The following SUSD4 variants were observed in gnomAD, a reference collection of about 807,000 sequenced individuals.
SUSD4 encodes sushi domain containing 4.
SUSD4 carries 41 observed loss-of-function variants against 50.5 expected under a neutral mutation model. That is an observed-to-expected ratio of 0.81 (90% CI 0.63 to 1.05). SUSD4 has a LOEUF of 1.05. Among genes scored for constraint, SUSD4 ranks in the 50% least tolerant of loss-of-function variants. The probability of loss-of-function intolerance (pLI) is 0.00; values close to 1 mark genes in which losing one functional copy is unlikely to be tolerated. For synonymous variants in SUSD4, 257 were observed against 257.3 expected, an observed-to-expected ratio of 1.00 and a Z score of 0.01; for missense variants, 580 against 634.7, an observed-to-expected ratio of 0.91 and a Z score of 0.93.
At chr1:223,329,805 G>T (rs1002168155) in intron 2 of SUSD4, among the ~76,000 whole-genome samples, 1 of 152,146 alleles carries the variant, frequency 6.6e-6, no homozygotes, top group Non-Finnish European at 1.5e-5. Context: ...GAGATGAATA[G>T]ATAAATGAAT....
At position 223,220,945 on chromosome 1, in the gene SUSD4, T is replaced by G. The variant is rs568984323; in HGVS notation, c.*1247A>C. On this transcript the variant is annotated 3_prime_UTR_variant, in exon 9 of 9. Transcript: ENST00000366878. Reference sequence around the variant, plus strand: ...TTAAGGATCAGAGCTTTGTTTACATTTGTCTAAAACCAAGAGAAGGAAAGG... The same window carrying G: ...TTAAGGATCAGAGCTTTGTTTACATGTGTCTAAAACCAAGAGAAGGAAAGG... 2.5e-5 allele frequency: 10 copies of G among 400,560 alleles called. No homozygotes were observed. Among genetic ancestry groups the G allele is most frequent in the African/African-American group, 1.4e-4 (7 of 48,842 alleles). 24.8% of individuals were successfully genotyped at this position (400,560 alleles called of 1,614,324 possible). A position where few individuals can be genotyped will look rare whatever the true frequency, so the allele number is the denominator to read the frequency against.
chr1:223,242,413 C>T (rs1261612136), intron 5 of SUSD4, among the ~76,000 whole-genome samples: 1 of 152,156 alleles, frequency 6.6e-6, no homozygotes, highest in Non-Finnish European at 1.5e-5. Flanking sequence ...TTAACAACAC[C>T]TCTGCCTGTC....
intron 5 of SUSD4, among the ~76,000 whole-genome samples, chr1:223,236,518 T>C (rs1660229632): frequency 6.6e-6 from 1 of 152,156 alleles, no homozygotes; most frequent in African/African-American, 2.4e-5. Context: ...GAGTTAATTT[T>C]ATGGAAGAGT....
At chr1:223,354,118 AC>A (rs1668525199) in intron 2 of SUSD4, among the ~76,000 whole-genome samples, 1 of 151,350 alleles carries the variant, frequency 6.6e-6, no homozygotes, top group Non-Finnish European at 1.5e-5. Context: ...TGGATTCTCC[AC>A]CCCCTCATCA....
intron 5 of SUSD4, among the ~76,000 whole-genome samples, chr1:223,249,618 G>A (rs1027599413): frequency 2.6e-5 from 4 of 152,190 alleles, no homozygotes; most frequent in Non-Finnish European, 4.4e-5. Context: ...TTCAGTGTAT[G>A]TGTGTATGCA....
chr1:223,352,840 G>A (rs1668441077), intron 2 of SUSD4, among the ~76,000 whole-genome samples: 1 of 151,970 alleles, frequency 6.6e-6, no homozygotes, highest in African/African-American at 2.4e-5. Flanking sequence ...AGCCCATGGG[G>A]GCGAACTCAC....
chr1:223,316,311 C>T (rs868194735), intron 2 of SUSD4, among the ~76,000 whole-genome samples: 1 of 152,146 alleles, frequency 6.6e-6, no homozygotes, highest in African/African-American at 2.4e-5. Context: ...GGGAGAATAT[C>T]TCTCCTTTTT....
chr1:223,292,574 A>G lies in SUSD4; in HGVS notation c.226T>C (p.Phe76Leu). Residue 76 changes from phenylalanine to leucine, a missense_variant, in exon 3 of 9, where the codon TTT becomes CTT. By Grantham distance (22) the Phe-to-Leu change is conservative (BLOSUM62 0). Transcript: ENST00000366878. The part of the protein sequence containing the change: ...GFRTPSGGVF[F>L]EGSVARFHCQ... ...TGAAATCGGGCTACAGAGCCTTCAA[A>G]GAAAACCCCTCCGCTGGGGGTCCTG... 1 of 1,614,156 alleles carries G rather than the reference A, an allele frequency of 6.2e-7. No homozygotes were observed. The highest frequency in any genetic ancestry group is 8.5e-7 in the Non-Finnish European group (1 of 1,180,008).
intron 5 of SUSD4, among the ~76,000 whole-genome samples, chr1:223,238,961 C>T (rs1319985579): frequency 6.6e-6 from 1 of 151,964 alleles, no homozygotes; most frequent in East Asian, 1.9e-4. Flanking sequence ...GTGGATTTAT[C>T]TATTTCTCCC....
At chr1:223,267,096 A>G (rs61837630) in intron 4 of SUSD4, among the ~76,000 whole-genome samples, 62,155 of 152,014 alleles carry the variant, frequency 0.41, 12,903 homozygotes, top group African/African-American at 0.43. Context: ...ACCTAGAAAA[A>G]CTATGTCTTG....
At chr1:223,244,726 C>T (rs962294758) in intron 5 of SUSD4, among the ~76,000 whole-genome samples, 2 of 152,064 alleles carry the variant, frequency 1.3e-5, no homozygotes, top group South Asian at 2.1e-4. Flanking sequence ...GCTCTGTCCC[C>T]GCAATCATAG....
At chr1:223,246,097 TCA>T (rs1231611463) in intron 5 of SUSD4, among the ~76,000 whole-genome samples, 1 of 151,844 alleles carries the variant, frequency 6.6e-6, no homozygotes, top group Non-Finnish European at 1.5e-5. Context: ...CTGCACGCAC[TCA>T]CATAAGGGGA....
chr1:223,260,232 TC>T (rs1229544278), intron 5 of SUSD4, among the ~76,000 whole-genome samples: 1 of 152,228 alleles, frequency 6.6e-6, no homozygotes, highest in African/African-American at 2.4e-5. Context: ...CATCTTGTTC[TC>T]CCTCTAGACT....
intron 2 of SUSD4, among the ~76,000 whole-genome samples, chr1:223,340,962 G>A (rs1667723081): frequency 6.6e-6 from 1 of 152,166 alleles, no homozygotes. Flanking sequence ...TGCATGTTAG[G>A]TGCCGATTGT....
At chr1:223,247,220 G>C (rs1438278610) in intron 5 of SUSD4, among the ~76,000 whole-genome samples, 1 of 152,180 alleles carries the variant, frequency 6.6e-6, no homozygotes. Context: ...CGAGCACCCA[G>C]CTGGTCCACA....
At chr1:223,274,568 T>G (rs961619304) in intron 3 of SUSD4, among the ~76,000 whole-genome samples, 1 of 152,238 alleles carries the variant, frequency 6.6e-6, no homozygotes, top group African/African-American at 2.4e-5. Context: ...AAAGAAAAGT[T>G]ATTATAATAA....
chr1:223,300,450 G>A (rs1665114469), intron 2 of SUSD4, among the ~76,000 whole-genome samples: 2 of 152,142 alleles, frequency 1.3e-5, no homozygotes, highest in Admixed American at 1.3e-4. Flanking sequence ...AAACCTACCA[G>A]TTTTACTGTG....
At chr1:223,299,784 T>G (rs1665065610) in intron 2 of SUSD4, among the ~76,000 whole-genome samples, 1 of 152,202 alleles carries the variant, frequency 6.6e-6, no homozygotes, top group Non-Finnish European at 1.5e-5. Flanking sequence ...TCTCTCTGCC[T>G]GACTGTCTTC....
rs185201539 is a variant in SUSD4, at chr1:223,299,969, C to T, written c.149-7318G>A. On this transcript the variant is annotated intron_variant, in intron 2 of 8. Transcript: ENST00000366878. ...TGCTGGTTCTGTTTCTCTGGAGAACCCAGACTCATACAGTCTTCCTAAAAA... is the reference window on the plus strand; with the variant it reads ...TGCTGGTTCTGTTTCTCTGGAGAACTCAGACTCATACAGTCTTCCTAAAAA... 8.5e-5 allele frequency among the ~76,000 whole-genome samples: 13 copies of T among 152,274 alleles called. No homozygotes were observed. In the East Asian group the frequency reaches 2.5e-3, roughly 29 times the overall value.
Sources: allele counts gnomAD v4.1 joint callset (sites outside exome capture counted in the v4.1 genomes callset), GRCh38; gene constraint gnomAD v4.1.1; transcripts MANE v1.5; gene names NCBI Gene and HGNC (gene_info 2026-07-23, HGNC 2026-07-21).